ZNF804B: variants seen among roughly 807,000 people sequenced by gnomAD.
ZNF804B encodes zinc finger 804B.
A neutral mutation model predicts 101.4 loss-of-function variants in ZNF804B; 80 were observed. The ratio of observed to expected loss-of-function variants is 0.79; its 90% CI spans 0.66 to 0.95. The LOEUF (loss-of-function observed/expected upper bound fraction) is 0.95. ZNF804B is among the 40% of genes least tolerant of loss of function. The pLI, the probability that ZNF804B is intolerant of heterozygous loss-of-function variation, is 0.00. For missense variants in ZNF804B, 1,673 were observed against 1,561.9 expected (o/e 1.07, Z -1.20); for synonymous variants, 622 against 558.8 (o/e 1.11, Z -1.59).
At chr7:89,150,079 C>T (rs533361810) in intron 1 of ZNF804B, among the ~76,000 whole-genome samples, 10 of 152,110 alleles carry the variant, frequency 6.6e-5, no homozygotes, top group East Asian at 3.9e-4. Flanking sequence ...TTAAATTCCA[C>T]GCCATTTTCA....
rs1791961026 is a variant in ZNF804B, at chr7:88,877,045, A to AT, written c.108+116962dup. On this transcript the variant is annotated intron_variant, in intron 1 of 3. Coordinates refer to ENST00000333190, the MANE Select transcript of ZNF804B (RefSeq NM_181646.5). Reference sequence around the variant, plus strand: ...ATATATAATATATATATATATATATATATATTTTTTTTTTTTTTTTTTTTT... The same window carrying AT: ...ATATATAATATATATATATATATATATTATATTTTTTTTTTTTTTTTTTTTT... Among the ~76,000 whole-genome samples, 268 of 36,496 alleles carry AT rather than the reference A, an allele frequency of 7.3e-3. 5 individuals are homozygous for AT. Among genetic ancestry groups the AT allele is most frequent in the Non-Finnish European group, 9.0e-3 (194 of 21,644 alleles). The allele number at this position is 36,496 out of a possible 152,430, so 23.9% of individuals were successfully genotyped here. A position where few individuals can be genotyped will look rare whatever the true frequency, so the allele number is the denominator to read the frequency against.
intron 1 of ZNF804B, among the ~76,000 whole-genome samples, chr7:88,819,384 G>C (rs1790938191): frequency 1.3e-5 from 2 of 152,204 alleles, no homozygotes; most frequent in South Asian, 4.1e-4. Context: ...GCCTGCCTCA[G>C]CCTCCCAAAG....
intron 1 of ZNF804B, among the ~76,000 whole-genome samples, chr7:88,890,285 A>G (rs1792196156): frequency 6.6e-6 from 1 of 152,132 alleles, no homozygotes; most frequent in Non-Finnish European, 1.5e-5. Context: ...TGTATGTATG[A>G]TATTAAGTAA....
At chr7:88,816,430 T>G (rs1050476048) in intron 1 of ZNF804B, among the ~76,000 whole-genome samples, 2 of 151,996 alleles carry the variant, frequency 1.3e-5, no homozygotes, top group African/African-American at 2.4e-5. Flanking sequence ...GAAACTACCA[T>G]CAGAGTGAAC....
At chr7:88,843,425 G>A (rs1206755797) in intron 1 of ZNF804B, among the ~76,000 whole-genome samples, 1 of 152,026 alleles carries the variant, frequency 6.6e-6, no homozygotes, top group African/African-American at 2.4e-5. Flanking sequence ...AATTCTTAAA[G>A]AGTAGAATAA....
chr7:88,868,805 G>A (rs1305116467), intron 1 of ZNF804B, among the ~76,000 whole-genome samples: 2 of 152,192 alleles, frequency 1.3e-5, no homozygotes, highest in African/African-American at 4.8e-5. Context: ...CAGCAAAGTA[G>A]CTTTGAAATG....
At chr7:89,318,482 G>T (rs915028677) in intron 2 of ZNF804B, among the ~76,000 whole-genome samples, 2 of 152,180 alleles carry the variant, frequency 1.3e-5, no homozygotes, top group Admixed American at 1.3e-4. Flanking sequence ...GGCAATTTTA[G>T]CCAGGCACAA....
chr7:89,166,586 A>G (rs944411407), intron 1 of ZNF804B, among the ~76,000 whole-genome samples: 1 of 152,168 alleles, frequency 6.6e-6, no homozygotes, highest in Non-Finnish European at 1.5e-5. Context: ...ATATCAAGCA[A>G]TTCAACTTTT....
At chr7:88,936,298 A>C (rs1297534085) in intron 1 of ZNF804B, among the ~76,000 whole-genome samples, 1 of 152,050 alleles carries the variant, frequency 6.6e-6, no homozygotes, top group Non-Finnish European at 1.5e-5. Flanking sequence ...TATGTAGGGA[A>C]GTTTATGTAG....
At chr7:89,179,907 G>C (rs1348040938) in intron 1 of ZNF804B, among the ~76,000 whole-genome samples, 5 of 152,210 alleles carry the variant, frequency 3.3e-5, no homozygotes, top group Admixed American at 1.3e-4. Context: ...GACTTGTAGA[G>C]ATACTTCCCT....
At chr7:88,898,377 C>T (rs1257122053) in intron 1 of ZNF804B, among the ~76,000 whole-genome samples, 3 of 152,028 alleles carry the variant, frequency 2.0e-5, no homozygotes, top group Admixed American at 1.3e-4. Flanking sequence ...TGAGCCACAG[C>T]GCCCGGCCAG....
chr7:88,813,957 T>G (rs17299051), intron 1 of ZNF804B, among the ~76,000 whole-genome samples: 58,350 of 151,972 alleles, frequency 0.38, 11,601 homozygotes, highest in East Asian at 0.51. Context: ...ATTCTTGACA[T>G]GCATAGCCAA....
intron 1 of ZNF804B, among the ~76,000 whole-genome samples, chr7:88,857,004 T>C (rs1329209339): frequency 6.6e-6 from 1 of 152,064 alleles, no homozygotes; most frequent in African/African-American, 2.4e-5. Context: ...CTGGATTCGG[T>C]TCGCCAGTAT....
At chr7:89,192,204 G>T (rs569997537) in intron 1 of ZNF804B, among the ~76,000 whole-genome samples, 108 of 152,120 alleles carry the variant, frequency 7.1e-4, no homozygotes, top group African/African-American at 2.4e-3. Context: ...CTAAAATCAA[G>T]ATAGTTTAAT....
intron 2 of ZNF804B, among the ~76,000 whole-genome samples, chr7:89,264,384 T>G (rs1421023645): frequency 6.6e-6 from 1 of 152,230 alleles, no homozygotes; most frequent in Non-Finnish European, 1.5e-5. Flanking sequence ...CTCAAACTAA[T>G]ACAGTCTTTC....
rs567633655 is a variant in ZNF804B, at chr7:89,005,504, C to A, written c.109-212651C>A. Among the ~76,000 whole-genome samples the A allele has an allele frequency of 1.0e-3, 153 of 152,098 alleles. 1 individual carries two copies. The highest frequency in any genetic ancestry group is 3.5e-3 in the African/African-American group (144 of 41,526). On this transcript the variant is annotated intron_variant, in intron 1 of 3. Coordinates refer to ENST00000333190, the MANE Select transcript of ZNF804B (RefSeq NM_181646.5). ...AATTTTGATGCACCAATTTTTTATT[C>A]TCTGGTAACATAAATTACTTGAGAT...
rs112256863 is a variant in ZNF804B at position 89,067,828 on chromosome 7, C to CTTTT, written c.109-150317_109-150314dup. On this transcript the variant is annotated intron_variant, in intron 1 of 3. Coordinates refer to ENST00000333190, the MANE Select transcript of ZNF804B (RefSeq NM_181646.5). ...TATGCTAATTTTTTTCTTTTCTTTT[C>CTTTT]TTTTTTTTTTTTTGAGACAGAGTCT... is the stretch of plus-strand genomic sequence containing the variant. Among the ~76,000 whole-genome samples the CTTTT allele has an allele frequency of 1.7e-3, 230 of 132,808 alleles. 6 individuals are homozygous for CTTTT. Among genetic ancestry groups the CTTTT allele is most frequent in the South Asian group, 6.2e-3 (26 of 4,214 alleles). The allele number at this position is 132,808 out of a possible 152,430, so 87.1% of individuals were successfully genotyped here. A position where few individuals can be genotyped will look rare whatever the true frequency, so the allele number is the denominator to read the frequency against.
At chr7:89,011,771 C>T (rs6973396) in intron 1 of ZNF804B, among the ~76,000 whole-genome samples, 78,169 of 151,990 alleles carry the variant, frequency 0.51, 20,994 homozygotes, top group Middle Eastern at 0.63. Flanking sequence ...CAGCCCCCCT[C>T]GCAGCTTTTA....
intron 1 of ZNF804B, among the ~76,000 whole-genome samples, chr7:88,774,197 T>C (rs1262748792): frequency 2.2e-5 from 3 of 134,372 alleles, no homozygotes; most frequent in Admixed American, 8.0e-5. Context: ...TCTTTTGTTT[T>C]TTAAGTTTTT....
Sources: allele counts gnomAD v4.1 joint callset (sites outside exome capture counted in the v4.1 genomes callset), GRCh38; gene constraint gnomAD v4.1.1; transcripts MANE v1.5; gene names NCBI Gene and HGNC (gene_info 2026-07-23, HGNC 2026-07-21).